The following CA10 variants were observed in gnomAD, a reference collection of about 807,000 sequenced individuals.
The protein encoded by CA10 is carbonic anhydrase 10 (inactive).
In CA10, 14 loss-of-function variants were observed where a neutral mutation model predicts 44.2. The observed-to-expected ratio is 0.32, with a 90% CI of 0.21 to 0.50. CA10 has a LOEUF of 0.50. CA10 is among the 20% of genes least tolerant of loss of function. The probability of loss-of-function intolerance (pLI) is 0.99; values close to 1 mark genes in which losing one functional copy is unlikely to be tolerated. For missense variants in CA10, 350 were observed against 409.7 expected (o/e 0.85, Z 1.26); for synonymous variants, 159 against 141.6 (o/e 1.12, Z -0.87).
intron 1 of CA10, among the ~76,000 whole-genome samples, chr17:52,129,738 A>G (rs1010053725): frequency 6.6e-6 from 1 of 152,160 alleles, no homozygotes; most frequent in African/African-American, 2.4e-5. Flanking sequence ...AGTCCTCTCT[A>G]TCATCATCTC....
intron 4 of CA10, among the ~76,000 whole-genome samples, chr17:51,719,644 T>C (rs1916286979): frequency 6.6e-6 from 1 of 152,090 alleles, no homozygotes; most frequent in Non-Finnish European, 1.5e-5. Context: ...CCCAGCACTT[T>C]GAGAGGCTGA....
At chr17:51,764,395 T>C (rs1905296146) in intron 3 of CA10, among the ~76,000 whole-genome samples, 1 of 152,216 alleles carries the variant, frequency 6.6e-6, no homozygotes. Flanking sequence ...CATAGCTTTG[T>C]AATTATCTGC....
In CA10 at chr17:52,121,908, C is replaced by T. The variant is rs531756542; in HGVS notation, c.61+35818G>A. On this transcript the variant is annotated intron_variant, in intron 1 of 8. Coordinates refer to ENST00000451037, the MANE Select transcript of CA10 (RefSeq NM_020178.5). ...CATTAGGAGCCTTGACCTACTCACT[C>T]GTCCCCAACCTCTGGTGCATCTCTC... Among the ~76,000 whole-genome samples the T allele has an allele frequency of 3.3e-5, 5 of 152,286 alleles. No homozygotes were observed. In the East Asian group the frequency reaches 9.6e-4, roughly 29 times the overall value.
intron 3 of CA10, among the ~76,000 whole-genome samples, chr17:51,829,920 C>A (rs1028825885): frequency 6.6e-6 from 1 of 152,020 alleles, no homozygotes; most frequent in Non-Finnish European, 1.5e-5. Context: ...CTCAAAAGGC[C>A]GGGCGCGGTG....
At chr17:52,094,751 C>A (rs1007248172) in intron 1 of CA10, among the ~76,000 whole-genome samples, 1 of 152,060 alleles carries the variant, frequency 6.6e-6, no homozygotes, top group South Asian at 2.1e-4. Flanking sequence ...CAAATTTAAA[C>A]CCCAATGAAA....
chr17:51,718,317 C>T (rs1364851443), intron 4 of CA10, among the ~76,000 whole-genome samples: 2 of 152,086 alleles, frequency 1.3e-5, no homozygotes, highest in Non-Finnish European at 2.9e-5. Context: ...AGTATTGGAA[C>T]TTTCAGCTCC....
intron 2 of CA10, among the ~76,000 whole-genome samples, chr17:52,017,790 T>A (rs1261518423): frequency 6.6e-6 from 1 of 152,052 alleles, no homozygotes; most frequent in South Asian, 2.1e-4. Flanking sequence ...ATGGTAGTCA[T>A]GCACTCGTAG....
chr17:51,796,084 A>G (rs1906693128), intron 3 of CA10, among the ~76,000 whole-genome samples: 1 of 152,164 alleles, frequency 6.6e-6, no homozygotes, highest in South Asian at 2.1e-4. Flanking sequence ...CTGATTTTTC[A>G]TCCAGTGTTT....
chr17:52,142,449 C>CATT, intron 1 of CA10, among the ~76,000 whole-genome samples: 1 of 152,116 alleles, frequency 6.6e-6, no homozygotes, highest in Non-Finnish European at 1.5e-5. Flanking sequence ...TAATACTGTA[C>CATT]TAAATGCTTT....
At chr17:52,071,799 T>C (rs1200247629) in intron 2 of CA10, among the ~76,000 whole-genome samples, 1 of 152,184 alleles carries the variant, frequency 6.6e-6, no homozygotes, top group African/African-American at 2.4e-5. Context: ...ACCCTCCACC[T>C]TGCTTCTGAA....
At chr17:51,697,179 A>G (rs546214971) in intron 4 of CA10, among the ~76,000 whole-genome samples, 1 of 152,118 alleles carries the variant, frequency 6.6e-6, no homozygotes, top group South Asian at 2.1e-4. Context: ...AACTCTCTGT[A>G]CCTTTGCCTT....
chr17:52,123,320 C>CAT (rs1226521757), intron 1 of CA10, among the ~76,000 whole-genome samples: 6 of 147,438 alleles, frequency 4.1e-5, no homozygotes, highest in African/African-American at 1.3e-4. Context: ...AACAGGATTA[C>CAT]ATATATATGT....
intron 3 of CA10, among the ~76,000 whole-genome samples, chr17:51,899,972 GTTTTACTTC>G (rs1981240825): frequency 6.7e-6 from 1 of 148,968 alleles, no homozygotes; most frequent in African/African-American, 2.5e-5. Context: ...ATATAGTTGG[GTTTTACTTC>G]TTTATCCAAC....
chr17:51,751,807 C>T (rs763685092), intron 3 of CA10, among the ~76,000 whole-genome samples: 1 of 152,156 alleles, frequency 6.6e-6, no homozygotes, highest in Non-Finnish European at 1.5e-5. Context: ...CACCAATGTG[C>T]CTTCTAGTTC....
chr17:52,036,662 G>A (rs1986627975), intron 2 of CA10, among the ~76,000 whole-genome samples: 1 of 152,164 alleles, frequency 6.6e-6, no homozygotes, highest in Admixed American at 6.5e-5. Context: ...TTACTAGCCT[G>A]GGTCAGTTAT....
chr17:52,105,259 G>GT (rs34246422), intron 1 of CA10, among the ~76,000 whole-genome samples: 15,048 of 147,728 alleles, frequency 0.1, 774 homozygotes, highest in South Asian at 0.19. Context: ...ATGTTTTTTT[G>GT]TTTTTTTTTT....
At chr17:51,787,657 T>C (rs1426240847) in intron 3 of CA10, among the ~76,000 whole-genome samples, 1 of 151,760 alleles carries the variant, frequency 6.6e-6, no homozygotes, top group African/African-American at 2.4e-5. Context: ...TGCCTGGCTA[T>C]ATTTGTGTGT....
At chr17:51,780,039 T>C (rs770199230) in intron 3 of CA10, among the ~76,000 whole-genome samples, 1 of 151,758 alleles carries the variant, frequency 6.6e-6, no homozygotes, top group South Asian at 2.1e-4. Flanking sequence ...AACATCACGA[T>C]TTGGCAATTA....
intron 4 of CA10, among the ~76,000 whole-genome samples, chr17:51,724,797 T>G (rs972151760): frequency 2.0e-5 from 3 of 152,148 alleles, no homozygotes; most frequent in African/African-American, 7.2e-5. Flanking sequence ...AAAATTCCAT[T>G]CCTTCCATGC....
Sources: allele counts gnomAD v4.1 joint callset (sites outside exome capture counted in the v4.1 genomes callset), GRCh38; gene constraint gnomAD v4.1.1; transcripts MANE v1.5; gene names NCBI Gene and HGNC (gene_info 2026-07-23, HGNC 2026-07-21).